The following PTK2 variants were observed in gnomAD, a reference collection of about 807,000 sequenced individuals.
PTK2 encodes the protein focal adhesion kinase 1.
PTK2 carries 45 observed loss-of-function variants against 150.1 expected under a neutral mutation model. The ratio of observed to expected loss-of-function variants is 0.30; its 90% CI spans 0.24 to 0.38. The LOEUF is 0.38. Among genes scored for constraint, PTK2 ranks in the 10% least tolerant of loss-of-function variants. PTK2 has a pLI of 1.00. For synonymous variants in PTK2, 432 were observed against 449.2 expected (o/e 0.96, Z 0.48); for missense variants, 919 against 1,307.3 (o/e 0.70, Z 4.58).
intron 4 of PTK2, among the ~76,000 whole-genome samples, chr8:140,878,795 TG>T (rs2100147176): frequency 6.7e-6 from 1 of 149,490 alleles, no homozygotes; most frequent in Admixed American, 6.7e-5. Flanking sequence ...CTCTCACAAA[TG>T]TATTTTAGAT....
chr8:140,669,463 G>A, intron 29 of PTK2: 1 of 457,350 alleles, frequency 2.2e-6, no homozygotes, highest in South Asian at 4.6e-5. Flanking sequence ...AAGTAATCTG[G>A]AACAGATTAA....
intron 1 of PTK2, chr8:140,954,801 T>C (rs1450300074): frequency 1.3e-5 from 2 of 152,200 alleles, no homozygotes. Context: ...AAAATACTTC[T>C]AATTTCTCTT....
intron 13 of PTK2, 28 bp downstream of exon 13, chr8:140,793,326 A>G (rs368799551): frequency 5.3e-5 from 85 of 1,594,462 alleles, no homozygotes; most frequent in South Asian, 1.9e-4. Flanking sequence ...ACAAAACAAA[A>G]TAACAGTACA....
intron 4 of PTK2, chr8:140,879,131 CATTATATAT>C (rs1273173513): frequency 6.2e-6 from 1 of 161,314 alleles, no homozygotes; most frequent in African/African-American, 2.5e-5. Flanking sequence ...GGGATGAAAA[CATTATATAT>C]ATATACATAC....
chr8:140,866,299 G>A (rs2100139237), intron 4 of PTK2, among the ~76,000 whole-genome samples: 1 of 152,090 alleles, frequency 6.6e-6, no homozygotes, highest in Non-Finnish European at 1.5e-5. Flanking sequence ...TAAAGATAAG[G>A]AAAAAGGTTC....
chr8:140,782,741 A>G (rs2100082559), intron 14 of PTK2, among the ~76,000 whole-genome samples: 1 of 152,068 alleles, frequency 6.6e-6, no homozygotes, highest in African/African-American at 2.4e-5. Flanking sequence ...AACCCACAGC[A>G]TTATCAAAAT....
At chr8:140,995,146 C>T (rs306960) in intron 1 of PTK2, among the ~76,000 whole-genome samples, 60,401 of 150,340 alleles carry the variant, frequency 0.4, 12,903 homozygotes, top group Admixed American at 0.54. Flanking sequence ...TTTGGGAGGC[C>T]GAGGTGGGTG....
At chr8:140,789,496 C>T (rs768950907) in exon 14 of PTK2, 1 of 1,613,488 alleles carries the variant, frequency 6.2e-7, no homozygotes, top group Non-Finnish European at 8.5e-7. Flanking sequence ...CGGCGTGTGT[C>T]CGCATGCCTT....
chr8:140,928,080 T>G (rs1424253833), intron 1 of PTK2, among the ~76,000 whole-genome samples: 5 of 148,712 alleles, frequency 3.4e-5, no homozygotes, highest in Non-Finnish European at 7.4e-5. Context: ...TAAGACAGCT[T>G]TTCTTCTTTC....
intron 7 of PTK2, among the ~76,000 whole-genome samples, chr8:140,833,624 C>A (rs1224593997): frequency 1.3e-5 from 2 of 152,094 alleles, no homozygotes; most frequent in African/African-American, 2.4e-5. Flanking sequence ...CCTCAAGTGG[C>A]GTAAAAACCT....
chr8:140,801,506 A>G (rs927556332), intron 11 of PTK2, among the ~76,000 whole-genome samples: 1 of 152,166 alleles, frequency 6.6e-6, no homozygotes, highest in Admixed American at 6.5e-5. Flanking sequence ...CTTGTCAATT[A>G]CTTGATGTGG....
At chr8:140,895,723 ATGTT>A (rs1425655368) in intron 2 of PTK2, among the ~76,000 whole-genome samples, 1 of 152,232 alleles carries the variant, frequency 6.6e-6, no homozygotes, top group Middle Eastern at 3.4e-3. Context: ...TATAATTAGA[ATGTT>A]TGTAACACCA....
chr8:140,811,803 G>C (rs1267337811), intron 10 of PTK2, among the ~76,000 whole-genome samples: 1 of 152,222 alleles, frequency 6.6e-6, no homozygotes, highest in East Asian at 1.9e-4. Context: ...AGACCAAGTT[G>C]AGGAAAGAAT....
At chr8:140,826,850 C>T (rs1201244397) in intron 8 of PTK2, among the ~76,000 whole-genome samples, 3 of 152,036 alleles carry the variant, frequency 2.0e-5, no homozygotes, top group South Asian at 2.1e-4. Context: ...CCTGAGTGGC[C>T]GAGGCTGCAG....
chr8:140,822,702 G>C (rs1374908053), intron 8 of PTK2, among the ~76,000 whole-genome samples: 1 of 152,110 alleles, frequency 6.6e-6, no homozygotes, highest in Non-Finnish European at 1.5e-5. Flanking sequence ...TTTAGACATG[G>C]CACTTATATA....
chr8:140,819,103 A>C (rs1042117399), intron 8 of PTK2, 83 bp from the exon 9 acceptor site: 1 of 1,398,280 alleles, frequency 7.2e-7, no homozygotes, highest in Admixed American at 2.3e-5. Flanking sequence ...TTTCTTTCCT[A>C]CCAACTACTT....
At chr8:140,769,649 A>G in intron 14 of PTK2, 57 bp from the exon 16 acceptor site, 1 of 1,216,644 alleles carries the variant, frequency 8.2e-7, no homozygotes, top group East Asian at 4.1e-5. Flanking sequence ...GGAGGGAGAC[A>G]TAGGAAGGAG....
chr8:140,697,825 T>C (rs1590884831), intron 26 of PTK2, among the ~76,000 whole-genome samples: 1 of 151,164 alleles, frequency 6.6e-6, no homozygotes, highest in East Asian at 1.9e-4. Flanking sequence ...TTCTGGGTAC[T>C]TGATCCTCCT....
At chr8:140,959,113 T>C (rs1012511733) in intron 1 of PTK2, among the ~76,000 whole-genome samples, 8 of 152,044 alleles carry the variant, frequency 5.3e-5, no homozygotes, top group African/African-American at 1.9e-4. Context: ...TAAAGACACA[T>C]AATAGGGAGT....
Sources: gnomAD v4.1 joint callset for allele counts (sites outside exome capture counted in the v4.1 genomes callset) on GRCh38, gnomAD v4.1.1 for gene constraint, MANE v1.5 for transcripts, NCBI Gene and HGNC (gene_info 2026-07-23, HGNC 2026-07-21) for gene names.